Variants in ARK2N observed in about 807,000 individuals in gnomAD.
ARK2N encodes the protein arkadia (RNF111) N-terminal like PKA signaling regulator 2N.
chr18:46,183,016 T>A, the ARK2N span, among the ~76,000 whole-genome samples: 1 of 152,046 alleles, frequency 6.6e-6, no homozygotes, highest in Admixed American at 6.6e-5. Context: ...TCTAACTTTT[T>A]AGCACTCCAG....
the ARK2N span, among the ~76,000 whole-genome samples, chr18:46,192,279 G>C: frequency 3.6e-4 from 54 of 152,068 alleles, no homozygotes; most frequent in Non-Finnish European, 7.4e-4. Context: ...GAGTGATTAA[G>C]AATGTGGACT....
the ARK2N span, among the ~76,000 whole-genome samples, chr18:46,210,218 G>A: frequency 6.6e-6 from 1 of 152,226 alleles, no homozygotes; most frequent in South Asian, 2.1e-4. Context: ...GTTGTGTCTA[G>A]AGTGGTGACA....
chr18:46,243,124 TAATA>T, the ARK2N span, among the ~76,000 whole-genome samples: 2 of 152,102 alleles, frequency 1.3e-5, no homozygotes, highest in Non-Finnish European at 1.5e-5. Flanking sequence ...GGTATGTGGG[TAATA>T]AATAAAAATA....
chr18:46,242,093 A>C, the ARK2N span, among the ~76,000 whole-genome samples: 1 of 152,054 alleles, frequency 6.6e-6, no homozygotes, highest in Non-Finnish European at 1.5e-5. Flanking sequence ...ACAGGCGTGA[A>C]CCACTGCACC....
At chr18:46,251,137 CTG>C in the ARK2N span, among the ~76,000 whole-genome samples, 3 of 152,156 alleles carry the variant, frequency 2.0e-5, no homozygotes, top group African/African-American at 4.8e-5. Flanking sequence ...ACAGTAAAGA[CTG>C]TTTGAATTAT....
At chr18:46,250,763 G>A in the ARK2N span, among the ~76,000 whole-genome samples, 1 of 152,100 alleles carries the variant, frequency 6.6e-6, no homozygotes, top group Non-Finnish European at 1.5e-5. Context: ...AGCTTACCAT[G>A]ATCTGACCTG....
At chr18:46,235,031 G>T in the ARK2N span, among the ~76,000 whole-genome samples, 1 of 152,084 alleles carries the variant, frequency 6.6e-6, no homozygotes, top group African/African-American at 2.4e-5. Flanking sequence ...TAGAAAGGGA[G>T]GGGGGAATGA....
At chr18:46,244,341 C>T in the ARK2N span, among the ~76,000 whole-genome samples, 1 of 152,040 alleles carries the variant, frequency 6.6e-6, no homozygotes, top group Non-Finnish European at 1.5e-5. Context: ...ACTTTAAATA[C>T]CTTATCTTTT....
At chr18:46,197,962 A>T in the ARK2N span, among the ~76,000 whole-genome samples, 2 of 152,000 alleles carry the variant, frequency 1.3e-5, no homozygotes, top group African/African-American at 2.4e-5. Flanking sequence ...AGCTGTGTGT[A>T]ATCTGTTACT....
chr18:46,215,638 C>G, the ARK2N span, among the ~76,000 whole-genome samples: 1 of 151,866 alleles, frequency 6.6e-6, no homozygotes, highest in African/African-American at 2.4e-5. Context: ...AGATTTTGAC[C>G]GTATTAAGTC....
At chr18:46,261,222 GATTT>G in the ARK2N span, among the ~76,000 whole-genome samples, 1 of 152,126 alleles carries the variant, frequency 6.6e-6, no homozygotes, top group Admixed American at 6.6e-5. Context: ...TGCTGCACCC[GATTT>G]AATACACACA....
chr18:46,222,639 A>G, the ARK2N span, among the ~76,000 whole-genome samples: 2 of 152,200 alleles, frequency 1.3e-5, no homozygotes, highest in East Asian at 3.9e-4. Flanking sequence ...GATATATCTT[A>G]GTGTTAATAA....
At chr18:46,230,492 A>G in the ARK2N span, among the ~76,000 whole-genome samples, 6 of 152,018 alleles carry the variant, frequency 3.9e-5, no homozygotes, top group African/African-American at 7.2e-5. Flanking sequence ...ATTTATTTGT[A>G]CTCTATGAAG....
chr18:46,236,574 G>T, the ARK2N span, among the ~76,000 whole-genome samples: 13 of 152,350 alleles, frequency 8.5e-5, no homozygotes, highest in East Asian at 2.1e-3. Context: ...AGAATGTGCA[G>T]CTTGGATAAC....
the ARK2N span, chr18:46,233,068 A>G: frequency 2.0e-5 from 3 of 152,186 alleles, no homozygotes; most frequent in African/African-American, 7.2e-5. Context: ...TTAATATAAC[A>G]ATAGATTTTG....
At chr18:46,179,669 A>G in the ARK2N span, among the ~76,000 whole-genome samples, 1 of 144,106 alleles carries the variant, frequency 6.9e-6, no homozygotes. Flanking sequence ...CTTGTTGCCC[A>G]GGCTGGAGTG....
the ARK2N span, among the ~76,000 whole-genome samples, chr18:46,182,586 A>T: frequency 6.6e-6 from 1 of 152,086 alleles, no homozygotes; most frequent in Non-Finnish European, 1.5e-5. Flanking sequence ...TCTATTAAAA[A>T]ATTATTTTTA....
the ARK2N span, among the ~76,000 whole-genome samples, chr18:46,209,290 C>CTT: frequency 0.018 from 2,508 of 138,588 alleles, 39 homozygotes; most frequent in East Asian, 0.038. Context: ...TACTTCTCCA[C>CTT]TTTTTTTTTT....
the ARK2N span, among the ~76,000 whole-genome samples, chr18:46,247,181 T>C: frequency 6.6e-6 from 1 of 152,180 alleles, no homozygotes; most frequent in Non-Finnish European, 1.5e-5. Flanking sequence ...ACCTTGTTTT[T>C]TTTTTAAAAG....
Sources: gnomAD v4.1 joint callset for allele counts (sites outside exome capture counted in the v4.1 genomes callset) on GRCh38, gnomAD v4.1.1 for gene constraint, MANE v1.5 for transcripts, NCBI Gene and HGNC (gene_info 2026-07-23, HGNC 2026-07-21) for gene names.